The following GRIK2 variants were observed in gnomAD, a reference collection of about 807,000 sequenced individuals.
GRIK2 encodes the protein glutamate ionotropic receptor kainate type subunit 2, also known as glutamate receptor ionotropic, kainate 2.
A neutral mutation model predicts 100.3 loss-of-function variants in GRIK2; 32 were observed. The observed-to-expected ratio is 0.32, with a 90% CI of 0.24 to 0.43. GRIK2 has a LOEUF of 0.43. GRIK2 is among the 20% of genes least tolerant of loss of function. The pLI is 1.00. For synonymous variants in GRIK2, 417 were observed against 389.4 expected (o/e 1.07, Z -0.83); for missense variants, 843 against 1,114.9 (o/e 0.76, Z 3.47).
chr6:101,506,901 C>A (rs1027236416), intron 2 of GRIK2, among the ~76,000 whole-genome samples: 1 of 152,038 alleles, frequency 6.6e-6, no homozygotes, highest in African/African-American at 2.4e-5. Flanking sequence ...GAATGATTCA[C>A]TGAAAACTCT....
chr6:101,414,189 C>A (rs1416285067), intron 2 of GRIK2, among the ~76,000 whole-genome samples: 1 of 152,120 alleles, frequency 6.6e-6, no homozygotes, highest in African/African-American at 2.4e-5. Context: ...TATTTCTAAA[C>A]CTGTTGTTTG....
chr6:101,540,755 A>G (rs1250825318), intron 2 of GRIK2, among the ~76,000 whole-genome samples: 3 of 151,958 alleles, frequency 2.0e-5, no homozygotes, highest in African/African-American at 7.2e-5. Context: ...AGTTCTTTCT[A>G]ATTTAAATTT....
rs953396267 is a variant in GRIK2 at position 101,799,534 on chromosome 6, A to G, written c.952-114A>G. 3 of 758,070 alleles carry G rather than the reference A, an allele frequency of 4.0e-6. No homozygotes were observed. In the African/African-American group the frequency reaches 5.2e-5, roughly 13 times the overall value. The allele number at this position is 758,070 out of a possible 1,614,324, so 47.0% of individuals were successfully genotyped here. A position where few individuals can be genotyped will look rare whatever the true frequency, so the allele number is the denominator to read the frequency against. ...AGATAACGTTTTCTTCTTTATACAA[A>G]GAAAAATGGGATATATATTTCCCTT... On this transcript the variant is annotated intron_variant, in intron 7 of 16. Coordinates refer to ENST00000369134, the MANE Select transcript of GRIK2 (RefSeq NM_021956.5).
At position 101,622,632 on chromosome 6, in the gene GRIK2, A is replaced by G. The variant is rs191700786; in HGVS notation, c.283+516A>G. On this transcript the variant is annotated intron_variant, in intron 3 of 16. Coordinates refer to ENST00000369134, the MANE Select transcript of GRIK2 (RefSeq NM_021956.5). ...TATATTCCATGCTCATATTTTAACC[A>G]TCTAATATTTCTTTTTGTAACTGAA... Among the ~76,000 whole-genome samples, 362 of 152,170 alleles carry G rather than the reference A, an allele frequency of 2.4e-3. 2 individuals carry two copies. The highest frequency in any genetic ancestry group is 8.6e-3 in the African/African-American group (359 of 41,568).
At chr6:101,858,487 C>T (rs1006587386) in intron 10 of GRIK2, among the ~76,000 whole-genome samples, 3 of 149,682 alleles carry the variant, frequency 2.0e-5, no homozygotes, top group Non-Finnish European at 4.4e-5. Context: ...CCCGGGTTCA[C>T]GCCATTCTCC....
At chr6:101,818,832 G>T (rs964906067) in intron 10 of GRIK2, among the ~76,000 whole-genome samples, 2 of 152,144 alleles carry the variant, frequency 1.3e-5, no homozygotes, top group African/African-American at 2.4e-5. Context: ...AGCCAAAAGT[G>T]AACTTTGCTT....
intron 14 of GRIK2, among the ~76,000 whole-genome samples, chr6:102,018,965 T>A (rs1025059259): frequency 2.0e-5 from 3 of 152,070 alleles, no homozygotes; most frequent in Admixed American, 6.6e-5. Context: ...ATTTTTAAAT[T>A]ATTTTTTTCT....
intron 2 of GRIK2, among the ~76,000 whole-genome samples, chr6:101,483,548 C>T (rs1368000894): frequency 2.6e-5 from 4 of 151,832 alleles, no homozygotes; most frequent in African/African-American, 9.7e-5. Context: ...CTTCTATTTC[C>T]TTTTGTTAGT....
At chr6:101,674,969 G>C (rs368891686) in intron 4 of GRIK2, among the ~76,000 whole-genome samples, 3 of 152,028 alleles carry the variant, frequency 2.0e-5, no homozygotes, top group African/African-American at 7.2e-5. Context: ...ATGTACTGAT[G>C]ACATTAGAGT....
intron 2 of GRIK2, among the ~76,000 whole-genome samples, chr6:101,590,620 CA>C (rs945628137): frequency 1.1e-4 from 16 of 152,076 alleles, no homozygotes; most frequent in African/African-American, 3.9e-4. Flanking sequence ...AGCTCTGACC[CA>C]GGATACCCTC....
At chr6:102,010,867 A>G (rs893480593) in intron 14 of GRIK2, among the ~76,000 whole-genome samples, 1 of 151,846 alleles carries the variant, frequency 6.6e-6, no homozygotes, top group Non-Finnish European at 1.5e-5. Flanking sequence ...TAGAGAGTTC[A>G]TTTCTTTTTA....
At chr6:101,907,720 T>G (rs1156786346) in intron 12 of GRIK2, among the ~76,000 whole-genome samples, 1 of 49,862 alleles carries the variant, frequency 2.0e-5, no homozygotes, top group African/African-American at 6.5e-5. Context: ...TAGGTTATTC[T>G]TTTTTATCTT....
chr6:101,963,994 G>C (rs979515105), intron 14 of GRIK2, among the ~76,000 whole-genome samples: 11 of 151,832 alleles, frequency 7.2e-5, no homozygotes, highest in African/African-American at 2.2e-4. Flanking sequence ...GAGCTAATGG[G>C]AAGGAGGGTA....
At chr6:101,821,461 A>G (rs575207020) in intron 10 of GRIK2, among the ~76,000 whole-genome samples, 18 of 152,252 alleles carry the variant, frequency 1.2e-4, no homozygotes, top group African/African-American at 4.1e-4. Context: ...ATCTATAACC[A>G]TGATTAAGAA....
At chr6:101,645,738 G>A (rs941150637) in intron 4 of GRIK2, among the ~76,000 whole-genome samples, 18 of 151,740 alleles carry the variant, frequency 1.2e-4, no homozygotes, top group Non-Finnish European at 2.4e-4. Context: ...TTTTATTGCA[G>A]CATTATGTAA....
chr6:101,903,514 G>A (rs1013558664), intron 12 of GRIK2, among the ~76,000 whole-genome samples: 5 of 151,620 alleles, frequency 3.3e-5, no homozygotes, highest in Admixed American at 6.6e-5. Flanking sequence ...TTAATGAAAC[G>A]TAAACAACGT....
At chr6:102,033,045 T>C (rs900538413) in intron 14 of GRIK2, among the ~76,000 whole-genome samples, 4 of 151,294 alleles carry the variant, frequency 2.6e-5, no homozygotes, top group Admixed American at 6.6e-5. Context: ...TAAGTAGCCA[T>C]ATAATTTTAG....
intron 2 of GRIK2, among the ~76,000 whole-genome samples, chr6:101,606,750 G>A (rs538131): frequency 6.6e-6 from 1 of 151,854 alleles, no homozygotes; most frequent in African/African-American, 2.4e-5. Context: ...GCAAACAAAA[G>A]GTACCAGAGA....
intron 2 of GRIK2, among the ~76,000 whole-genome samples, chr6:101,568,152 T>C (rs894705569): frequency 6.6e-6 from 1 of 151,984 alleles, no homozygotes; most frequent in African/African-American, 2.4e-5. Context: ...ATACTAAACA[T>C]AAGTGTTAAT....
Sources: allele counts gnomAD v4.1 joint callset (sites outside exome capture counted in the v4.1 genomes callset), GRCh38; gene constraint gnomAD v4.1.1; transcripts MANE v1.5; gene names NCBI Gene and HGNC (gene_info 2026-07-23, HGNC 2026-07-21).